SPTLC3: variants seen among roughly 807,000 people sequenced by gnomAD.
SPTLC3 encodes the protein serine palmitoyltransferase 3.
A neutral mutation model predicts 59.3 loss-of-function variants in SPTLC3; 36 were observed. The ratio of observed to expected loss-of-function variants is 0.61; its 90% CI spans 0.47 to 0.80. SPTLC3 has a LOEUF of 0.80. SPTLC3 is among the 30% of genes least tolerant of loss of function. The pLI, the probability that SPTLC3 is intolerant of heterozygous loss-of-function variation, is 0.00. For synonymous variants in SPTLC3, 257 were observed against 240.8 expected (o/e 1.07, Z -0.62); for missense variants, 625 against 685.1 (o/e 0.91, Z 0.98).
At chr20:13,077,679 A>G (rs189738358) in intron 4 of SPTLC3, among the ~76,000 whole-genome samples, 4 of 152,346 alleles carry the variant, frequency 2.6e-5, no homozygotes, top group African/African-American at 7.2e-5. Flanking sequence ...TGGGCAACCA[A>G]CATAGCAAGG....
At chr20:13,034,087 A>T (rs1271719062) in intron 1 of SPTLC3, among the ~76,000 whole-genome samples, 1 of 152,262 alleles carries the variant, frequency 6.6e-6, no homozygotes, top group East Asian at 1.9e-4. Flanking sequence ...AACATCAGAG[A>T]TCAGGCAGAT....
At chr20:13,048,685 A>G (rs755243892) in intron 1 of SPTLC3, among the ~76,000 whole-genome samples, 4 of 152,210 alleles carry the variant, frequency 2.6e-5, no homozygotes, top group Non-Finnish European at 5.9e-5. Context: ...AGCAACTTGC[A>G]AACACTCTGT....
intron 4 of SPTLC3, chr20:13,079,969 A>C: frequency 3.9e-6 from 1 of 254,554 alleles, no homozygotes; most frequent in Non-Finnish European, 8.2e-6. Context: ...CTAATACCCC[A>C]GGGAACCAGA....
intron 9 of SPTLC3, among the ~76,000 whole-genome samples, chr20:13,137,621 G>A (rs779285649): frequency 1.1e-4 from 16 of 152,060 alleles, no homozygotes; most frequent in Non-Finnish European, 2.1e-4. Flanking sequence ...ATGACAATTT[G>A]GTTTCTATGC....
intron 9 of SPTLC3, among the ~76,000 whole-genome samples, chr20:13,143,054 T>C (rs2038422949): frequency 6.6e-6 from 1 of 152,242 alleles, no homozygotes; most frequent in East Asian, 1.9e-4. Flanking sequence ...GGACTTTATG[T>C]AGTTAAATTC....
At position 13,154,151 on chromosome 20, in the gene SPTLC3, G is replaced by A. The variant is rs760166958; in HGVS notation, c.1415+13G>A. The A allele has an allele frequency of 4.5e-5, 72 of 1,613,654 alleles. 1 individual carries two copies. In the South Asian group the frequency reaches 7.5e-4, roughly 17 times the overall value. ...CTGGTAAAGTAGCGTAAGTATCCAA[G>A]GCATCTCATAATCACACCTAAACCC... On this transcript the variant is annotated intron_variant, in intron 10 of 11. Transcript: ENST00000399002.
chr20:13,087,539 C>T (rs1378542037), intron 4 of SPTLC3, among the ~76,000 whole-genome samples: 5 of 152,200 alleles, frequency 3.3e-5, no homozygotes, highest in Non-Finnish European at 5.9e-5. Flanking sequence ...CCTGTGCCAC[C>T]TCCTACTCTA....
At chr20:13,094,236 A>G (rs1989332860) in intron 6 of SPTLC3, among the ~76,000 whole-genome samples, 2 of 152,188 alleles carry the variant, frequency 1.3e-5, no homozygotes, top group South Asian at 4.1e-4. Flanking sequence ...GTCACTTTGT[A>G]TAAATCCTTT....
chr20:13,064,479 T>C (rs1434843274), intron 2 of SPTLC3, among the ~76,000 whole-genome samples: 1 of 152,064 alleles, frequency 6.6e-6, no homozygotes, highest in Non-Finnish European at 1.5e-5. Flanking sequence ...TATTTTAGTA[T>C]AGACGAGGTT....
Position 13,159,873 on chromosome 20 carries a change from C to A in SPTLC3, c.1416-130C>A, listed in dbSNP as rs930598315. On this transcript the variant is annotated intron_variant, in intron 10 of 11. Transcript: ENST00000399002. ...GAAGTTTAAAAACTTCAATCATCTT[C>A]CACTTATTATCATAAAAAAGAAAAA... 6 of 1,246,618 alleles carry A rather than the reference C, an allele frequency of 4.8e-6. No individual in the cohort carries two copies. The African/African-American group carries it at 9.1e-5, about 19-fold the overall frequency. 77.2% of individuals were successfully genotyped at this position (1,246,618 alleles called of 1,614,324 possible). A position where few individuals can be genotyped will look rare whatever the true frequency, so the allele number is the denominator to read the frequency against.
At chr20:13,107,071 G>A (rs1229502149) in intron 6 of SPTLC3, among the ~76,000 whole-genome samples, 1 of 152,158 alleles carries the variant, frequency 6.6e-6, no homozygotes, top group African/African-American at 2.4e-5. Flanking sequence ...TCTAAAAAAT[G>A]GTAAGAAAAA....
At chr20:13,108,151 G>A (rs772718768) in intron 6 of SPTLC3, among the ~76,000 whole-genome samples, 9 of 152,118 alleles carry the variant, frequency 5.9e-5, no homozygotes, top group Non-Finnish European at 1.3e-4. Flanking sequence ...TCAGAGATGA[G>A]GTTCTGATAT....
chr20:13,069,572 G>A (rs1203726240), intron 2 of SPTLC3, among the ~76,000 whole-genome samples: 1 of 152,102 alleles, frequency 6.6e-6, no homozygotes, highest in Admixed American at 6.5e-5. Flanking sequence ...CTGCTGATCT[G>A]ACAGGAGGTG....
At chr20:13,024,078 A>C (rs1190133904) in intron 1 of SPTLC3, among the ~76,000 whole-genome samples, 1 of 152,174 alleles carries the variant, frequency 6.6e-6, no homozygotes, top group Non-Finnish European at 1.5e-5. Flanking sequence ...ACTACATGCT[A>C]AGAACTTTAC....
intron 2 of SPTLC3, among the ~76,000 whole-genome samples, chr20:13,063,277 A>G (rs967144201): frequency 2.0e-5 from 3 of 152,216 alleles, no homozygotes; most frequent in African/African-American, 7.2e-5. Flanking sequence ...AAACTTTTTG[A>G]AAATTGATTT....
At chr20:13,114,719 ACTTT>A (rs1169289386) in intron 7 of SPTLC3, among the ~76,000 whole-genome samples, 1 of 152,182 alleles carries the variant, frequency 6.6e-6, no homozygotes, top group African/African-American at 2.4e-5. Flanking sequence ...ATTGACCTTA[ACTTT>A]CTTTTTCTCT....
In SPTLC3 at chr20:13,117,712, T is replaced by A; in HGVS notation, c.1139T>A (p.Ile380Lys). 1 of 1,611,186 alleles carries A rather than the reference T, an allele frequency of 6.2e-7. No homozygotes were observed. The highest frequency in any genetic ancestry group is 8.5e-7 in the Non-Finnish European group (1 of 1,178,928). Reference sequence around the variant, plus strand: ...AGTTTTGGAGCTTCAGGAGGTTACATAGCTGGAAGGAAGGTAAGAGAGGGC... The same window carrying A: ...AGTTTTGGAGCTTCAGGAGGTTACAAAGCTGGAAGGAAGGTAAGAGAGGGC... ...TKSFGASGGY[I>K]AGRKDLVDYL... The change falls in exon 8 of 12, where the codon ATA becomes AAA. Residue 380 changes from isoleucine to lysine, a missense_variant. By Grantham distance (102) the Ile-to-Lys change is moderately radical. Transcript: ENST00000399002.
At chr20:13,086,538 T>C (rs1437516867) in intron 4 of SPTLC3, among the ~76,000 whole-genome samples, 2 of 152,136 alleles carry the variant, frequency 1.3e-5, no homozygotes, top group African/African-American at 2.4e-5. Flanking sequence ...TAATGGAGTT[T>C]GGGGCTTATT....
chr20:13,069,585 G>A (rs1988363091), intron 2 of SPTLC3, among the ~76,000 whole-genome samples: 1 of 152,092 alleles, frequency 6.6e-6, no homozygotes, highest in Non-Finnish European at 1.5e-5. Context: ...AGGAGGTGGA[G>A]CTCGGAGCCC....
Sources: allele counts gnomAD v4.1 joint callset (sites outside exome capture counted in the v4.1 genomes callset), GRCh38; gene constraint gnomAD v4.1.1; transcripts MANE v1.5; gene names NCBI Gene and HGNC (gene_info 2026-07-23, HGNC 2026-07-21).